The following MAPK8IP2 variants were observed in gnomAD, a reference collection of about 807,000 sequenced individuals.
MAPK8IP2 encodes the protein C-Jun-amino-terminal kinase-interacting protein 2.
Under a neutral mutation model 75.6 loss-of-function variants are expected in MAPK8IP2, and 15 were observed. That is an observed-to-expected ratio of 0.20 (90% CI 0.13 to 0.31). The LOEUF (loss-of-function observed/expected upper bound fraction) is 0.31. MAPK8IP2 is among the 10% of genes least tolerant of loss of function. MAPK8IP2 has a pLI of 1.00. For missense variants in MAPK8IP2, 1,089 were observed against 1,211.2 expected, an observed-to-expected ratio of 0.90 and a Z score of 1.50; for synonymous variants, 632 against 554.5, an observed-to-expected ratio of 1.14 and a Z score of -1.96.
At chr22:50,601,001 GC>G in intron 1 of MAPK8IP2, 118 bp downstream of exon 1, 1 of 217,394 alleles carries the variant, frequency 4.6e-6, no homozygotes, top group Non-Finnish European at 8.0e-6. Context: ...CGCGGACCCG[GC>G]CCCGGCCCCC....
Position 50,610,279 on chromosome 22 carries a change from G to C in MAPK8IP2, c.2371G>C (p.Glu791Gln). 12 of 1,608,750 alleles carry C rather than the reference G, an allele frequency of 7.5e-6. No individual in the cohort carries two copies. The highest frequency in any genetic ancestry group is 1.0e-5 in the Non-Finnish European group (12 of 1,177,598). ...CGCCTGCCACGTCTTTGTCTCCCAG[G>C]AGTCCATGAGGCCGGTGGCGCAGAG... is the stretch of plus-strand genomic sequence containing the variant. ...RFACHVFVSQESMRPVAQSVG... is the reference protein window; with the variant it reads ...RFACHVFVSQQSMRPVAQSVG... The change falls in exon 11 of 12, where the codon GAG becomes CAG. Residue 791 changes from glutamate to glutamine, a missense_variant. This residue lies in a region of MAPK8IP2 where 129 missense variants were observed against 201.7 expected (regional missense o/e 0.64). Coordinates refer to ENST00000329492, the MANE Select transcript of MAPK8IP2 (RefSeq NM_012324.6). The surrounding 1 kb of genome is among the most constrained non-coding windows in gnomAD (Gnocchi z 4.3).
In MAPK8IP2 at chr22:50,605,578, C is replaced by G; in HGVS notation, c.1858C>G (p.Pro620Ala). 1 of 1,589,422 alleles carries G rather than the reference C, an allele frequency of 6.3e-7. No individual in the cohort carries two copies. Among genetic ancestry groups the G allele is most frequent in the African/African-American group, 1.3e-5 (1 of 74,492 alleles). ...RAVFRFIPRH[P>A]DELELDVDDP... Reference sequence around the variant, plus strand: ...CAACGGCAGGTTCATCCCGCGGCATCCAGACGAGCTGGAGCTGGATGTGGA... The same window carrying G: ...CAACGGCAGGTTCATCCCGCGGCATGCAGACGAGCTGGAGCTGGATGTGGA... The change falls in exon 7 of 12, where the codon CCA becomes GCA. Residue 620 changes from proline to alanine, a missense_variant. By Grantham distance (27) the Pro-to-Ala change is conservative. Coordinates refer to ENST00000329492, the MANE Select transcript of MAPK8IP2 (RefSeq NM_012324.6).
At position 50,600,833 on chromosome 22, in the gene MAPK8IP2, G is replaced by C; in HGVS notation, c.15G>C (p.Ala5=). 7.7e-7 allele frequency: 1 copy of C among 1,305,604 alleles called. No homozygotes were observed. The highest frequency in any genetic ancestry group is 1.0e-6 in the Non-Finnish European group (1 of 1,001,684). 80.9% of individuals were successfully genotyped at this position (1,305,604 alleles called of 1,614,324 possible). The change falls in exon 1 of 12, where the codon GCG becomes GCC. Residue 5 remains alanine, a synonymous_variant. Transcript: ENST00000329492. ...TCCCGGAGAAGATGGCGGATCGCGC[G>C]GAGATGTTTTCTCTCTCCACCTTCC... MADR[A]EMFSLSTFHS...
chr22:50,604,504 G>A lies in MAPK8IP2; in HGVS notation c.1205G>A (p.Gly402Glu). ...TCCCAGGACCCCGAGGCGGCCGCGG[G>A]GCCCGGCGGCGTGGAGCTGGTGGAC... ...QDSQDPEAAAGPGGVELVDME... is the reference protein window; with the variant it reads ...QDSQDPEAAAEPGGVELVDME... The change falls in exon 5 of 12, where the codon GGG (glycine) becomes GAG (glutamate). Residue 402 changes from glycine to glutamate, a missense_variant. Around this residue, in one of 2 missense-constraint regions of MAPK8IP2, gnomAD observed 960 missense variants for 1,009.6 expected, o/e 0.95. Transcript: ENST00000329492. 1 of 1,221,484 alleles carries A rather than the reference G, an allele frequency of 8.2e-7. No homozygotes were observed. Among genetic ancestry groups the A allele is most frequent in the Non-Finnish European group, 1.0e-6 (1 of 983,146 alleles). The allele number at this position is 1,221,484 out of a possible 1,614,324, so 75.7% of individuals were successfully genotyped here. A position where few individuals can be genotyped will look rare whatever the true frequency, so the allele number is the denominator to read the frequency against.
rs1481499539 is a variant in MAPK8IP2, at chr22:50,613,898, A to C, written c.*3119A>C. Reference sequence around the variant, plus strand: ...CTGGCGGATCGCCTGGCTCCCAGGCAGGAGGCGCTGCATGACGCCTCCAAC... The same window carrying C: ...CTGGCGGATCGCCTGGCTCCCAGGCCGGAGGCGCTGCATGACGCCTCCAAC... On this transcript the variant is annotated 3_prime_UTR_variant, in exon 12 of 12. Transcript: ENST00000329492. The C allele has an allele frequency of 6.6e-6, 1 of 152,280 alleles. No homozygotes were observed. Among genetic ancestry groups the C allele is most frequent in the East Asian group, 1.9e-4 (1 of 5,202 alleles). The allele number at this position is 152,280 out of a possible 1,614,324, so 9.4% of individuals were successfully genotyped here. A position where few individuals can be genotyped will look rare whatever the true frequency, so the allele number is the denominator to read the frequency against.
Position 50,612,248 on chromosome 22 carries a change from A to G in MAPK8IP2, c.*1469A>G, listed in dbSNP as rs2071161910. ...AAAATTCTCCAGAGAAAGCCAGAAG[A>G]AAATAGGTGACTTTTTCACTATGTG... is the stretch of plus-strand genomic sequence containing the variant. On this transcript the variant is annotated 3_prime_UTR_variant, in exon 12 of 12. Coordinates refer to ENST00000329492, the MANE Select transcript of MAPK8IP2 (RefSeq NM_012324.6). 1 of 152,198 alleles carries G rather than the reference A, an allele frequency of 6.6e-6. No homozygotes were observed. Among genetic ancestry groups the G allele is most frequent in the East Asian group, 1.9e-4 (1 of 5,186 alleles). The allele number at this position is 152,198 out of a possible 1,614,324, so 9.4% of individuals were successfully genotyped here.
rs2071137425 is a variant in MAPK8IP2, at chr22:50,610,830, T to C, written c.*51T>C. 1.3e-6 allele frequency: 2 copies of C among 1,483,116 alleles called. No individual in the cohort carries two copies. The highest frequency in any genetic ancestry group is 1.8e-6 in the Non-Finnish European group (2 of 1,088,202). 91.9% of individuals were successfully genotyped at this position (1,483,116 alleles called of 1,614,324 possible). On this transcript the variant is annotated 3_prime_UTR_variant, in exon 12 of 12. Transcript: ENST00000329492. This position sits in a 1 kb window ranked among gnomAD's most constrained non-coding sequence, Gnocchi z 4.3. ...CGTCTGCTCCAGGCGCAGCTGGGGC[T>C]GAGGATGTCTCAAGAGGCCACCATG...
At position 50,600,875 on chromosome 22, in the gene MAPK8IP2, G is replaced by T. The variant is rs1384221647; in HGVS notation, c.57G>T (p.Pro19=). Residue 19 remains proline, a synonymous_variant, in exon 1 of 12, where the codon CCG becomes CCT. Transcript: ENST00000329492. The part of the protein sequence containing the change: ...SLSTFHSLSP[P]GCRPPQDISL... ...CCACCTTCCACTCGCTGTCGCCGCC[G>T]GGCTGCAGGTACCCCCCTCGGCGCC... 3 of 1,280,072 alleles carry T rather than the reference G, an allele frequency of 2.3e-6. No individual in the cohort carries two copies. In the South Asian group the frequency reaches 4.3e-5, roughly 18 times the overall value. The allele number at this position is 1,280,072 out of a possible 1,614,324, so 79.3% of individuals were successfully genotyped here.
chr22:50,602,669 C>G (rs1178757109), intron 2 of MAPK8IP2, among the ~76,000 whole-genome samples: 5 of 152,150 alleles, frequency 3.3e-5, no homozygotes, highest in Non-Finnish European at 7.4e-5. Flanking sequence ...AGAGGAAGTG[C>G]CAGCATGGGG....
Position 50,610,251 on chromosome 22 carries a change from C to A in MAPK8IP2, c.2343C>A (p.Arg781=). ...TCACCAAACACCCCCTGCTGAGCCG[C>A]TTCGCCTGCCACGTCTTTGTCTCCC... The part of the protein sequence containing the change: ...GFITKHPLLS[R]FACHVFVSQE... Residue 781 remains arginine, a synonymous_variant, in exon 11 of 12, where the codon CGC becomes CGA. Coordinates refer to ENST00000329492, the MANE Select transcript of MAPK8IP2 (RefSeq NM_012324.6). The surrounding 1 kb of genome is among the most constrained non-coding windows in gnomAD (Gnocchi z 4.3). The A allele has an allele frequency of 6.2e-7, 1 of 1,600,026 alleles. No individual in the cohort carries two copies.
chr22:50,605,917 T>C lies in MAPK8IP2; in HGVS notation c.2107T>C (p.Cys703Arg). 6.3e-7 allele frequency: 1 copy of C among 1,577,894 alleles called. No homozygotes were observed. Among genetic ancestry groups the C allele is most frequent in the South Asian group, 1.2e-5 (1 of 86,232 alleles). ...CTGCCACCAGGGCAACGGCATCCTG[T>C]GTGCAGCCATGCAGAAGGTCAGTGT... ...VPCHQGNGIL[C>R]AAMQKIATAR... The change falls in exon 8 of 12, where the codon TGT becomes CGT. Residue 703 changes from cysteine (C) to arginine (R), a missense_variant. Cys to Arg is a radical substitution (Grantham distance 180). Coordinates refer to ENST00000329492, the MANE Select transcript of MAPK8IP2 (RefSeq NM_012324.6).
Position 50,604,101 on chromosome 22 carries a change from A to G in MAPK8IP2, c.802A>G (p.Ile268Val), listed in dbSNP as rs1166600934. Residue 268 changes from isoleucine to valine, a missense_variant, in exon 5 of 12, where the codon ATC becomes GTC. Physicochemically the swap from Ile to Val is conservative, Grantham distance 29 (BLOSUM62 3). Coordinates refer to ENST00000329492, the MANE Select transcript of MAPK8IP2 (RefSeq NM_012324.6). ...GGGCGGCGCGCGCCTGGGGCGCATG[A>G]TCTCGTCCATCTCGGAGACGGAGCT... is the stretch of plus-strand genomic sequence containing the variant. ...DAGGARLGRM[I>V]SSISETELEL... is the part of the protein sequence containing the mutation. 1.3e-6 allele frequency: 2 copies of G among 1,550,410 alleles called. No individual in the cohort carries two copies. The highest frequency in any genetic ancestry group is 1.7e-6 in the Non-Finnish European group (2 of 1,156,916).
chr22:50,610,050 A>G lies in MAPK8IP2; in HGVS notation c.2304-162A>G. Reference sequence around the variant, plus strand: ...CAGCCCTGTGCTTGGGCTGAAACCAAAAAAAGACAACTTCAGATCTTGAAA... The same window carrying G: ...CAGCCCTGTGCTTGGGCTGAAACCAGAAAAAGACAACTTCAGATCTTGAAA... On this transcript the variant is annotated intron_variant, in intron 10 of 11. Coordinates refer to ENST00000329492, the MANE Select transcript of MAPK8IP2 (RefSeq NM_012324.6). This position sits in a 1 kb window ranked among gnomAD's most constrained non-coding sequence, Gnocchi z 4.3. 1.4e-6 allele frequency: 1 copy of G among 727,720 alleles called. No individual in the cohort carries two copies. Among genetic ancestry groups the G allele is most frequent in the Non-Finnish European group, 2.5e-6 (1 of 402,692 alleles). 45.1% of individuals were successfully genotyped at this position (727,720 alleles called of 1,614,324 possible). A position where few individuals can be genotyped will look rare whatever the true frequency, so the allele number is the denominator to read the frequency against.
rs2071003275 is a variant in MAPK8IP2 at position 50,604,395 on chromosome 22, A to G, written c.1096A>G (p.Ile366Val). ...SRMISEGSSP[I>V]RCPGQCLSPA... ...CATGATCTCCGAGGGCTCCTCGCCC[A>G]TCCGCTGCCCCGGCCAGTGCCTGTC... The change falls in exon 5 of 12, where the codon ATC (isoleucine) becomes GTC (valine). Residue 366 changes from isoleucine (I) to valine (V), a missense_variant. Coordinates refer to ENST00000329492, the MANE Select transcript of MAPK8IP2 (RefSeq NM_012324.6). 6.6e-7 allele frequency: 1 copy of G among 1,522,948 alleles called. No individual in the cohort carries two copies. The highest frequency in any genetic ancestry group is 8.8e-7 in the Non-Finnish European group (1 of 1,141,394). The allele number at this position is 1,522,948 out of a possible 1,614,324, so 94.3% of individuals were successfully genotyped here. A position where few individuals can be genotyped will look rare whatever the true frequency, so the allele number is the denominator to read the frequency against.
chr22:50,605,988 C>T, intron 8 of MAPK8IP2, 54 bp downstream of exon 8: 1 of 1,366,224 alleles, frequency 7.3e-7, no homozygotes, highest in Non-Finnish European at 1.0e-6. Context: ...GCGGCCACAC[C>T]AGCACTGCAG....
intron 6 of MAPK8IP2, 32 bp downstream of exon 6, chr22:50,605,475 C>T (rs1352508937): frequency 3.7e-6 from 6 of 1,612,456 alleles, no homozygotes; most frequent in Non-Finnish European, 5.1e-6. Context: ...GCGGTGGCCC[C>T]AGCCTCAGTC....
At position 50,610,589 on chromosome 22, in the gene MAPK8IP2, G is replaced by C. The variant is rs531933930; in HGVS notation, c.2403-118G>C. 19 of 825,688 alleles carry C rather than the reference G, an allele frequency of 2.3e-5. No homozygotes were observed. Among genetic ancestry groups the C allele is most frequent in the Middle Eastern group, 2.8e-4 (1 of 3,536 alleles). The allele number at this position is 825,688 out of a possible 1,614,324, so 51.1% of individuals were successfully genotyped here. A position where few individuals can be genotyped will look rare whatever the true frequency, so the allele number is the denominator to read the frequency against. On this transcript the variant is annotated intron_variant, in intron 11 of 11. Transcript: ENST00000329492. This position sits in a 1 kb window ranked among gnomAD's most constrained non-coding sequence, Gnocchi z 4.3. ...GGGGGTGACATGGCCATGCCTGGGT[G>C]GGGGGTTATGGATGGCTGCAGAGGG...
Position 50,601,659 on chromosome 22 carries a change from G to T in MAPK8IP2, c.66-130G>T, listed in dbSNP as rs1051427335. 3 of 654,564 alleles carry T rather than the reference G, an allele frequency of 4.6e-6. No individual in the cohort carries two copies. In the African/African-American group the frequency reaches 5.4e-5, roughly 12 times the overall value. The allele number at this position is 654,564 out of a possible 1,614,324, so 40.5% of individuals were successfully genotyped here. On this transcript the variant is annotated intron_variant, in intron 1 of 11. Transcript: ENST00000329492. ...GGGGGTCAAGATGATGGCAGGATGT[G>T]TTCCGAGAGCTGGGGGCTGTGGAAA...
chr22:50,604,390 C>G lies in MAPK8IP2; in HGVS notation c.1091C>G (p.Ser364Trp), dbSNP rs538471138. Residue 364 changes from serine (S) to tryptophan (W), a missense_variant, in exon 5 of 12, where the codon TCG becomes TGG. Ser to Trp is a radical substitution (Grantham distance 177). This residue lies in a region of MAPK8IP2 where 960 missense variants were observed against 1,009.6 expected (regional missense o/e 0.95). Coordinates refer to ENST00000329492, the MANE Select transcript of MAPK8IP2 (RefSeq NM_012324.6). ...LVSRMISEGS[S>W]PIRCPGQCLS... ...AGCCGCATGATCTCCGAGGGCTCCT[C>G]GCCCATCCGCTGCCCCGGCCAGTGC... is the stretch of plus-strand genomic sequence containing the variant. The G allele has an allele frequency of 2.6e-6, 4 of 1,524,190 alleles. No homozygotes were observed. In the African/African-American group the frequency reaches 5.6e-5, roughly 21 times the overall value. 94.4% of individuals were successfully genotyped at this position (1,524,190 alleles called of 1,614,324 possible). A position where few individuals can be genotyped will look rare whatever the true frequency, so the allele number is the denominator to read the frequency against.
Sources: gnomAD v4.1 joint callset for allele counts (sites outside exome capture counted in the v4.1 genomes callset) on GRCh38, gnomAD v4.1.1 for gene constraint, gnomAD v4.1.1 regional missense constraint, Gnocchi (gnomAD v3.1) non-coding constraint, MANE v1.5 for transcripts, NCBI Gene and HGNC (gene_info 2026-07-23, HGNC 2026-07-21) for gene names.